The following OCLN variants were observed in gnomAD, a reference collection of about 807,000 sequenced individuals.
OCLN encodes the protein phosphatase 1, regulatory subunit 115.
A neutral mutation model predicts 47.9 loss-of-function variants in OCLN; 21 were observed. That is an observed-to-expected ratio of 0.44 (90% confidence interval 0.31 to 0.63). The LOEUF is 0.63. Ranked by LOEUF, OCLN falls within the 30% of genes least tolerant of loss-of-function variation. The pLI, the probability that OCLN is intolerant of heterozygous loss-of-function variation, is 0.08. For synonymous variants in OCLN, 117 were observed against 198.4 expected, an observed-to-expected ratio of 0.59 and a Z score of 3.45; for missense variants, 360 against 571.0, an observed-to-expected ratio of 0.63 and a Z score of 3.77.
In OCLN at chr5:69,493,713, C is replaced by A. The variant is rs1251619705; in HGVS notation, c.-69+813C>A. Among the ~76,000 whole-genome samples, 1 of 152,070 alleles carries A rather than the reference C, an allele frequency of 6.6e-6. No homozygotes were observed. Among genetic ancestry groups the A allele is most frequent in the Non-Finnish European group, 1.5e-5 (1 of 67,998 alleles). On this transcript the variant is annotated intron_variant, in intron 1 of 8. Transcript: ENST00000396442. The surrounding 1 kb of genome is among the most constrained non-coding windows in gnomAD (Gnocchi z 5.3). ...GGGAGCGCCTCGGTGCGCACGGAAG[C>A]CGGGACCCGCGCCCAGCCGGGCCAC... is the stretch of plus-strand genomic sequence containing the variant.
chr5:69,529,198 G>A (rs995207542), intron 4 of OCLN, among the ~76,000 whole-genome samples: 5 of 152,102 alleles, frequency 3.3e-5, no homozygotes, highest in African/African-American at 9.7e-5. Flanking sequence ...GAAGAATCAC[G>A]GTAGGTATTT....
chr5:69,496,498 C>G (rs1768296466), intron 1 of OCLN, among the ~76,000 whole-genome samples: 1 of 151,280 alleles, frequency 6.6e-6, no homozygotes, highest in Non-Finnish European at 1.5e-5. Flanking sequence ...CACTTATTGA[C>G]AGTTTTCTTT....
intron 7 of OCLN, among the ~76,000 whole-genome samples, chr5:69,548,612 G>A (rs1388661566): frequency 4.1e-5 from 6 of 145,578 alleles, no homozygotes; most frequent in East Asian, 2.3e-4. Flanking sequence ...GAGCCACCGC[G>A]CCCAGCCCCT....
At chr5:69,494,570 CA>C (rs1180081346) in intron 1 of OCLN, among the ~76,000 whole-genome samples, 2 of 152,170 alleles carry the variant, frequency 1.3e-5, no homozygotes, top group African/African-American at 2.4e-5. Flanking sequence ...AACAAAGCAA[CA>C]CTTTTTTTTT....
At chr5:69,532,910 G>A (rs924058160) in intron 4 of OCLN, among the ~76,000 whole-genome samples, 3 of 151,838 alleles carry the variant, frequency 2.0e-5, no homozygotes, top group African/African-American at 7.3e-5. Flanking sequence ...GGAGGTTACA[G>A]TGAGCCGAGA....
chr5:69,497,510 C>G (rs1267358643), intron 1 of OCLN, among the ~76,000 whole-genome samples: 1 of 151,494 alleles, frequency 6.6e-6, no homozygotes, highest in African/African-American at 2.4e-5. Flanking sequence ...GCCTCAGCCT[C>G]CCAAGTAGCT....
intron 1 of OCLN, among the ~76,000 whole-genome samples, chr5:69,496,920 G>A (rs577733719): frequency 1.3e-5 from 2 of 152,220 alleles, no homozygotes; most frequent in East Asian, 3.9e-4. Context: ...CCTGACATAA[G>A]TTCCTGTAGG....
At chr5:69,503,673 T>C (rs1025769579) in intron 1 of OCLN, among the ~76,000 whole-genome samples, 5 of 152,192 alleles carry the variant, frequency 3.3e-5, no homozygotes, top group African/African-American at 1.2e-4. Flanking sequence ...ATGCATATTG[T>C]TTTTTCTCCC....
At chr5:69,492,623 G>A (rs1200934580), upstream of OCLN, 1 of 152,434 alleles carries the variant, frequency 6.6e-6, no homozygotes, top group Non-Finnish European at 1.5e-5. Flanking sequence ...CGAGAGCCAG[G>A]TCCAGAGCGC....
intron 4 of OCLN, among the ~76,000 whole-genome samples, chr5:69,522,994 C>T (rs986602065): frequency 6.6e-6 from 1 of 150,634 alleles, no homozygotes; most frequent in Non-Finnish European, 1.5e-5. Context: ...TCCCAAACTG[C>T]TGGGATTACA....
At chr5:69,549,340 CAAAAAAAAAAAAA>C (rs1172698181) in intron 7 of OCLN, among the ~76,000 whole-genome samples, 4 of 51,532 alleles carry the variant, frequency 7.8e-5, no homozygotes, top group African/African-American at 1.7e-4. Flanking sequence ...GACTCCATCT[CAAAAAAAAAAAAA>C]AAAAAAAAAA....
chr5:69,521,850 T>G (rs1769146704), intron 4 of OCLN, among the ~76,000 whole-genome samples: 1 of 152,258 alleles, frequency 6.6e-6, no homozygotes, highest in Non-Finnish European at 1.5e-5. Context: ...TTCCTATTCT[T>G]CATCACTTGA....
At chr5:69,506,382 C>G (rs755765677) in intron 2 of OCLN, among the ~76,000 whole-genome samples, 2 of 152,206 alleles carry the variant, frequency 1.3e-5, no homozygotes, top group African/African-American at 2.4e-5. Flanking sequence ...AAGCAGCCCT[C>G]CCTGGTTGTG....
chr5:69,498,130 T>C (rs1169808809), intron 1 of OCLN, among the ~76,000 whole-genome samples: 2 of 150,374 alleles, frequency 1.3e-5, no homozygotes, highest in Admixed American at 6.6e-5. Context: ...AGACTCCGTC[T>C]CAAAAAAAAA....
chr5:69,526,645 A>G (rs1769287621), intron 4 of OCLN, among the ~76,000 whole-genome samples: 1 of 151,804 alleles, frequency 6.6e-6, no homozygotes, highest in Admixed American at 6.6e-5. Context: ...ATAAATTTAG[A>G]AAGGATCTCC....
Position 69,509,229 on chromosome 5 carries a change from T to C in OCLN, c.139T>C (p.Tyr47His). The change falls in exon 3 of 9, where the codon TAC becomes CAC. Residue 47 changes from tyrosine to histidine, a missense_variant. Tyr to His is a moderately conservative substitution (Grantham distance 83). This residue lies in a region of OCLN where 314 missense variants were observed against 368.1 expected (regional missense o/e 0.85). Coordinates refer to ENST00000396442, the MANE Select transcript of OCLN (RefSeq NM_001205254.2). ...GCTCTCTCAGCCAGCCTACTCTTTT[T>C]ACCCAGAAGATGAAATTCTTCACTT... ...PMLSQPAYSF[Y>H]PEDEILHFYK... 1 of 1,614,206 alleles carries C rather than the reference T, an allele frequency of 6.2e-7. No individual in the cohort carries two copies. Among genetic ancestry groups the C allele is most frequent in the Non-Finnish European group, 8.5e-7 (1 of 1,179,994 alleles).
At chr5:69,495,700 C>G (rs1768268782) in intron 1 of OCLN, among the ~76,000 whole-genome samples, 1 of 151,844 alleles carries the variant, frequency 6.6e-6, no homozygotes, top group African/African-American at 2.4e-5. Flanking sequence ...ATGGGCATTC[C>G]AGATGCGGTG....
chr5:69,553,693 G>C lies in OCLN; in HGVS notation c.*22G>C. On this transcript the variant is annotated 3_prime_UTR_variant, in exon 9 of 9. Transcript: ENST00000396442. ...ATAGAAGGCTGATGCCAAGTTGTTTGAGAAATTAAGTATCTGACATCTCTG... is the reference window on the plus strand; with the variant it reads ...ATAGAAGGCTGATGCCAAGTTGTTTCAGAAATTAAGTATCTGACATCTCTG... The C allele has an allele frequency of 1.2e-6, 2 of 1,601,908 alleles. No homozygotes were observed. Among genetic ancestry groups the C allele is most frequent in the Non-Finnish European group, 1.7e-6 (2 of 1,169,620 alleles).
intron 7 of OCLN, among the ~76,000 whole-genome samples, chr5:69,549,340 C>CAAAAAAA (rs1172698181): frequency 7.8e-5 from 4 of 51,526 alleles, no homozygotes; most frequent in Non-Finnish European, 9.8e-5. Flanking sequence ...GACTCCATCT[C>CAAAAAAA]AAAAAAAAAA....
Sources: gnomAD v4.1 joint callset for allele counts (sites outside exome capture counted in the v4.1 genomes callset) on GRCh38, gnomAD v4.1.1 for gene constraint, gnomAD v4.1.1 regional missense constraint, Gnocchi (gnomAD v3.1) non-coding constraint, MANE v1.5 for transcripts, NCBI Gene and HGNC (gene_info 2026-07-23, HGNC 2026-07-21) for gene names.